Variants in CA10 observed in about 807,000 individuals in gnomAD.
CA10 encodes carbonic anhydrase 10 (inactive).
A neutral mutation model predicts 44.2 loss-of-function variants in CA10; 14 were observed. The ratio of observed to expected loss-of-function variants is 0.32; its 90% CI spans 0.21 to 0.50. CA10 has a LOEUF of 0.50. Ranked by LOEUF, CA10 falls within the 20% of genes least tolerant of loss-of-function variation. The probability of loss-of-function intolerance (pLI) is 0.99; values close to 1 mark genes in which losing one functional copy is unlikely to be tolerated. For synonymous variants in CA10, 159 were observed against 141.6 expected, an observed-to-expected ratio of 1.12 and a Z score of -0.87; for missense variants, 350 against 409.7, an observed-to-expected ratio of 0.85 and a Z score of 1.26.
intron 2 of CA10, among the ~76,000 whole-genome samples, chr17:52,022,994 A>T (rs920186617): frequency 2.0e-5 from 3 of 152,050 alleles, no homozygotes; most frequent in African/African-American, 7.2e-5. Flanking sequence ...CCATGCTCAT[A>T]TATTGGAAGA....
intron 4 of CA10, among the ~76,000 whole-genome samples, chr17:51,674,198 C>A (rs542695448): frequency 3.0e-4 from 46 of 152,254 alleles, no homozygotes; most frequent in African/African-American, 1.1e-3. Context: ...AATTATTTCC[C>A]CAGGACCTAG....
chr17:51,859,919 A>G (rs1403652446), intron 3 of CA10, among the ~76,000 whole-genome samples: 17 of 152,138 alleles, frequency 1.1e-4, no homozygotes, highest in Admixed American at 1.1e-3. Context: ...TTTCTTATTT[A>G]AAGGTCAGAG....
chr17:52,035,402 G>T (rs1182424941), intron 2 of CA10, among the ~76,000 whole-genome samples: 1 of 152,104 alleles, frequency 6.6e-6, no homozygotes, highest in Non-Finnish European at 1.5e-5. Flanking sequence ...ACTTTCATTG[G>T]CAATAAAATC....
intron 2 of CA10, among the ~76,000 whole-genome samples, chr17:51,999,614 G>A (rs1304160512): frequency 3.3e-5 from 5 of 152,004 alleles, no homozygotes; most frequent in Non-Finnish European, 7.4e-5. Flanking sequence ...TCCTCTGTGT[G>A]TTCATATCTG....
At chr17:51,664,060 G>A (rs1238543794) in intron 4 of CA10, among the ~76,000 whole-genome samples, 1 of 152,158 alleles carries the variant, frequency 6.6e-6, no homozygotes, top group Non-Finnish European at 1.5e-5. Flanking sequence ...ACTGGTATGT[G>A]TAGGGCATTT....
At chr17:51,912,159 C>T (rs746596646) in intron 3 of CA10, among the ~76,000 whole-genome samples, 7 of 152,088 alleles carry the variant, frequency 4.6e-5, no homozygotes, top group Admixed American at 6.6e-5. Flanking sequence ...TAAATAACAC[C>T]GACTTCAAAT....
intron 1 of CA10, among the ~76,000 whole-genome samples, chr17:52,136,885 T>A (rs1388446936): frequency 2.0e-5 from 3 of 152,184 alleles, no homozygotes; most frequent in African/African-American, 7.2e-5. Flanking sequence ...CCTAGATTAG[T>A]GAAAGCAACA....
intron 8 of CA10, 59 bp from the exon 9 acceptor site, chr17:51,631,665 CAATT>C: frequency 7.0e-7 from 1 of 1,419,878 alleles, no homozygotes; most frequent in Non-Finnish European, 9.9e-7. Context: ...GAGGCATACT[CAATT>C]AATTTGCACA....
At chr17:51,837,335 C>T (rs1362907270) in intron 3 of CA10, among the ~76,000 whole-genome samples, 1 of 152,170 alleles carries the variant, frequency 6.6e-6, no homozygotes, top group African/African-American at 2.4e-5. Context: ...GGACCTTCTT[C>T]TACCAATTAC....
chr17:51,831,779 AT>A (rs975749370), intron 3 of CA10, among the ~76,000 whole-genome samples: 1 of 151,480 alleles, frequency 6.6e-6, no homozygotes, highest in Non-Finnish European at 1.5e-5. Flanking sequence ...GGACAGGGTT[AT>A]AAGGTCACCG....
At chr17:52,041,517 G>T (rs1171983198) in intron 2 of CA10, among the ~76,000 whole-genome samples, 1 of 152,092 alleles carries the variant, frequency 6.6e-6, no homozygotes. Flanking sequence ...GGTGTACATT[G>T]TGAAATGATT....
intron 2 of CA10, among the ~76,000 whole-genome samples, chr17:51,959,291 T>TCC (rs1983791708): frequency 1.9e-5 from 2 of 103,350 alleles, no homozygotes; most frequent in African/African-American, 8.3e-5. Context: ...TCTGTGTGTG[T>TCC]GTGTGTGTGT....
intron 1 of CA10, among the ~76,000 whole-genome samples, chr17:52,123,302 A>G (rs1328190887): frequency 2.0e-5 from 3 of 151,858 alleles, no homozygotes; most frequent in African/African-American, 7.3e-5. Context: ...AAAGTTTGGT[A>G]TAGTAGTAAC....
intron 4 of CA10, among the ~76,000 whole-genome samples, chr17:51,678,795 AT>A (rs1399762667): frequency 1.3e-5 from 2 of 152,218 alleles, no homozygotes; most frequent in Non-Finnish European, 2.9e-5. Context: ...CCATTAAACA[AT>A]TTGGGATGAT....
At chr17:52,145,817 C>T (rs1359062930) in intron 1 of CA10, among the ~76,000 whole-genome samples, 3 of 152,118 alleles carry the variant, frequency 2.0e-5, no homozygotes, top group Non-Finnish European at 4.4e-5. Flanking sequence ...ACAGGTTATA[C>T]ATTACTTTCA....
intron 5 of CA10, among the ~76,000 whole-genome samples, chr17:51,651,625 C>A (rs114966845): frequency 1.0e-3 from 153 of 152,296 alleles, no homozygotes; most frequent in African/African-American, 3.5e-3. Context: ...GTCACCAGCT[C>A]GGTAGGAATG....
chr17:51,926,696 C>G (rs1316839388), intron 3 of CA10, among the ~76,000 whole-genome samples: 1 of 152,290 alleles, frequency 6.6e-6, no homozygotes, highest in Admixed American at 6.5e-5. Flanking sequence ...TGTTCTGATT[C>G]GGACTCTCCT....
Position 51,950,855 on chromosome 17 carries a change from C to T in CA10, c.137-19723G>A, listed in dbSNP as rs180827882. Among the ~76,000 whole-genome samples, 167 of 152,114 alleles carry T rather than the reference C, an allele frequency of 1.1e-3. 1 individual carries two copies. The highest frequency in any genetic ancestry group is 3.9e-3 in the African/African-American group (161 of 41,486). On this transcript the variant is annotated intron_variant, in intron 2 of 8. Transcript: ENST00000451037. ...TCCTCCCATTTGAATGGAAAATAGC[C>T]GAGCGCAGAGATTTTTCACCTGTTG...
intron 1 of CA10, among the ~76,000 whole-genome samples, chr17:52,117,739 G>A (rs1173923757): frequency 6.6e-6 from 1 of 152,116 alleles, no homozygotes; most frequent in Non-Finnish European, 1.5e-5. Flanking sequence ...CACTGAAAAT[G>A]GATTTACATA....
Sources: allele counts gnomAD v4.1 joint callset (sites outside exome capture counted in the v4.1 genomes callset), GRCh38; gene constraint gnomAD v4.1.1; transcripts MANE v1.5; gene names NCBI Gene and HGNC (gene_info 2026-07-23, HGNC 2026-07-21).